The following DCLK1 variants were observed in gnomAD, a reference collection of about 807,000 sequenced individuals.
The protein encoded by DCLK1 is serine/threonine-protein kinase DCLK1.
In DCLK1, 16 loss-of-function variants were observed where a neutral mutation model predicts 86.2. That is an observed-to-expected ratio of 0.19 (90% CI 0.13 to 0.28). The LOEUF is 0.28. DCLK1 is among the 10% of genes least tolerant of loss of function. The pLI is 1.00. For synonymous variants in DCLK1, 369 were observed against 370.5 expected (o/e 1.00, Z 0.05); for missense variants, 590 against 940.2 (o/e 0.63, Z 4.87).
chr13:35,783,678 G>A (rs533964643), intron 16 of DCLK1, among the ~76,000 whole-genome samples: 48 of 150,844 alleles, frequency 3.2e-4, no homozygotes, highest in African/African-American at 9.8e-4. Flanking sequence ...TCCGCCTCCC[G>A]GGCCCAAATG....
chr13:35,781,892 G>T (rs994009925), intron 16 of DCLK1, among the ~76,000 whole-genome samples: 1 of 152,142 alleles, frequency 6.6e-6, no homozygotes, highest in Non-Finnish European at 1.5e-5. Context: ...CTGACAAATC[G>T]ATTGAAATAT....
chr13:36,071,274 G>A (rs1883965354), intron 3 of DCLK1, among the ~76,000 whole-genome samples: 1 of 151,938 alleles, frequency 6.6e-6, no homozygotes, highest in Non-Finnish European at 1.5e-5. Context: ...GTATATACAT[G>A]TAATAGAAGA....
chr13:35,862,422 T>C (rs1797017110), intron 5 of DCLK1, among the ~76,000 whole-genome samples: 1 of 152,226 alleles, frequency 6.6e-6, no homozygotes, highest in Admixed American at 6.5e-5. Flanking sequence ...CGGTTCTGTC[T>C]TGACAATTTC....
chr13:35,965,777 ACT>A (rs150606426), intron 3 of DCLK1, among the ~76,000 whole-genome samples: 16 of 148,858 alleles, frequency 1.1e-4, no homozygotes, highest in African/African-American at 3.0e-4. Flanking sequence ...GTATTCTCTC[ACT>A]CTCTCTCTCT....
At chr13:35,868,107 C>T (rs892697067) in intron 5 of DCLK1, among the ~76,000 whole-genome samples, 4 of 150,442 alleles carry the variant, frequency 2.7e-5, no homozygotes, top group African/African-American at 9.8e-5. Flanking sequence ...ACTGCAAGCT[C>T]CACCTCCCGG....
chr13:35,863,495 C>T (rs1871548506), intron 5 of DCLK1, among the ~76,000 whole-genome samples: 1 of 152,112 alleles, frequency 6.6e-6, no homozygotes, highest in Admixed American at 6.5e-5. Context: ...GGAGGTTCTG[C>T]TGGGGTGAAC....
intron 3 of DCLK1, among the ~76,000 whole-genome samples, chr13:36,032,383 A>C (rs1217900581): frequency 6.6e-6 from 1 of 152,004 alleles, no homozygotes; most frequent in East Asian, 1.9e-4. Context: ...CCTCAGGTGG[A>C]TTCACCCACC....
chr13:36,007,828 T>C (rs1051724389), intron 3 of DCLK1, among the ~76,000 whole-genome samples: 8 of 152,158 alleles, frequency 5.3e-5, no homozygotes, highest in Admixed American at 3.9e-4. Flanking sequence ...CTGATCACTT[T>C]TGGCATACAA....
intron 16 of DCLK1, among the ~76,000 whole-genome samples, chr13:35,787,582 C>T (rs2086646504): frequency 6.6e-6 from 1 of 151,962 alleles, no homozygotes; most frequent in African/African-American, 2.4e-5. Flanking sequence ...CTGACAGTTA[C>T]AAGATATTGA....
At chr13:35,777,827 C>T (rs1390365759) in intron 16 of DCLK1, among the ~76,000 whole-genome samples, 1 of 152,206 alleles carries the variant, frequency 6.6e-6, no homozygotes, top group African/African-American at 2.4e-5. Context: ...TCCTTCTGGG[C>T]CCCCGCCCAC....
At chr13:35,929,798 T>A (rs1185992530) in intron 4 of DCLK1, among the ~76,000 whole-genome samples, 1 of 152,082 alleles carries the variant, frequency 6.6e-6, no homozygotes, top group African/African-American at 2.4e-5. Context: ...AAAGTGAGAC[T>A]CATGATTTCA....
intron 5 of DCLK1, among the ~76,000 whole-genome samples, chr13:35,859,276 T>C (rs2153111782): frequency 6.6e-6 from 1 of 152,340 alleles, no homozygotes; most frequent in East Asian, 1.9e-4. Context: ...AAAGAACTCA[T>C]TAGAACCGCT....
At chr13:35,912,507 C>T (rs980213168) in intron 4 of DCLK1, among the ~76,000 whole-genome samples, 12 of 152,088 alleles carry the variant, frequency 7.9e-5, no homozygotes, top group African/African-American at 2.7e-4. Flanking sequence ...AGTGGGACAG[C>T]TAGACTTTGG....
rs146053675 is a variant in DCLK1, at chr13:36,020,735, G to GA, written c.724-73279dup. On this transcript the variant is annotated intron_variant, in intron 3 of 16. Coordinates refer to ENST00000360631, the MANE Select transcript of DCLK1 (RefSeq NM_001330071.2). ...GAATGACATATTTAAGGTGCTGAAAGAAAAAAAAAACTATCAACTAAATAT... is the reference window on the plus strand; with the variant it reads ...GAATGACATATTTAAGGTGCTGAAAGAAAAAAAAAAACTATCAACTAAATAT... Among the ~76,000 whole-genome samples the GA allele has an allele frequency of 3.0e-4, 44 of 147,720 alleles. No homozygotes were observed. The East Asian group carries it at 4.2e-3, about 14-fold the overall frequency.
chr13:35,971,785 T>G (rs1179959938), intron 3 of DCLK1, among the ~76,000 whole-genome samples: 2 of 150,800 alleles, frequency 1.3e-5, no homozygotes, highest in Non-Finnish European at 3.0e-5. Flanking sequence ...AAAAATTCCA[T>G]AGTAAAGGCA....
At chr13:35,898,341 C>A (rs933657839) in intron 4 of DCLK1, among the ~76,000 whole-genome samples, 6 of 152,234 alleles carry the variant, frequency 3.9e-5, no homozygotes, top group Non-Finnish European at 8.8e-5. Flanking sequence ...ACCAAACATA[C>A]TTCTCATTAC....
chr13:36,053,626 G>GATAT (rs34324005), intron 3 of DCLK1, among the ~76,000 whole-genome samples: 57 of 149,160 alleles, frequency 3.8e-4, no homozygotes, highest in Admixed American at 1.8e-3. Flanking sequence ...ATAGTATCAC[G>GATAT]ATATATATAT....
chr13:35,969,179 G>C (rs1878941996), intron 3 of DCLK1, among the ~76,000 whole-genome samples: 1 of 152,174 alleles, frequency 6.6e-6, no homozygotes. Context: ...CTGAAGTCCT[G>C]ACTCCACTGG....
chr13:35,994,565 A>T (rs1880391591), intron 3 of DCLK1, among the ~76,000 whole-genome samples: 1 of 152,238 alleles, frequency 6.6e-6, no homozygotes, highest in African/African-American at 2.4e-5. Flanking sequence ...AATAAAAAAA[A>T]GGCAGCCAAC....
Sources: allele counts gnomAD v4.1 joint callset (sites outside exome capture counted in the v4.1 genomes callset), GRCh38; gene constraint gnomAD v4.1.1; transcripts MANE v1.5; gene names NCBI Gene and HGNC (gene_info 2026-07-23, HGNC 2026-07-21).